The following CBFA2T3 variants were observed in gnomAD, a reference collection of about 807,000 sequenced individuals.
The protein encoded by CBFA2T3 is transcriptional corepressor CBFA2T3.
CBFA2T3 carries 31 observed loss-of-function variants against 58.6 expected under a neutral mutation model. That is an observed-to-expected ratio of 0.53 (90% CI 0.40 to 0.71). The LOEUF is 0.71. Ranked by LOEUF, CBFA2T3 falls within the 30% of genes least tolerant of loss-of-function variation. CBFA2T3 has a pLI of 0.00. For missense variants in CBFA2T3, 1,076 were observed against 963.1 expected (o/e 1.12, Z -1.55); for synonymous variants, 531 against 421.9 (o/e 1.26, Z -3.17).
chr16:88,887,625 G>C (rs1275728645), intron 5 of CBFA2T3, among the ~76,000 whole-genome samples: 1 of 152,156 alleles, frequency 6.6e-6, no homozygotes, highest in East Asian at 1.9e-4. Context: ...GGCAAGCAGG[G>C]AATGTTTCCT....
chr16:88,907,329 A>G (rs1471617299), intron 1 of CBFA2T3, among the ~76,000 whole-genome samples: 2 of 150,164 alleles, frequency 1.3e-5, no homozygotes, highest in African/African-American at 4.9e-5. Flanking sequence ...AAGTATCCTA[A>G]CCCCTCCCTG....
intron 5 of CBFA2T3, among the ~76,000 whole-genome samples, chr16:88,890,768 G>C (rs925412232): frequency 7.9e-5 from 12 of 152,172 alleles, no homozygotes; most frequent in African/African-American, 2.4e-4. Context: ...CCAGGCTGGA[G>C]TGCAGTGGCG....
intron 1 of CBFA2T3, among the ~76,000 whole-genome samples, chr16:88,935,172 A>G (rs1384506912): frequency 6.6e-6 from 1 of 152,074 alleles, no homozygotes; most frequent in Non-Finnish European, 1.5e-5. Flanking sequence ...CGGCCCAGAG[A>G]CCCAACGCTG....
intron 1 of CBFA2T3, among the ~76,000 whole-genome samples, chr16:88,919,277 T>G (rs1021142282): frequency 6.6e-6 from 1 of 152,074 alleles, no homozygotes; most frequent in Non-Finnish European, 1.5e-5. Flanking sequence ...GACACAGCAG[T>G]AGGTATAAAA....
intron 1 of CBFA2T3, among the ~76,000 whole-genome samples, chr16:88,906,801 G>A (rs552802503): frequency 2.9e-4 from 44 of 152,302 alleles, no homozygotes; most frequent in African/African-American, 1.0e-3. Flanking sequence ...AAGCACCAGG[G>A]CATGTGCCTG....
At chr16:88,879,602 T>C in intron 10 of CBFA2T3, 142 bp from the exon 11 acceptor site, 1 of 704,404 alleles carries the variant, frequency 1.4e-6, no homozygotes, top group Non-Finnish European at 2.4e-6. Context: ...AAGGCACATG[T>C]TGATGGGGCT....
intron 1 of CBFA2T3, among the ~76,000 whole-genome samples, chr16:88,943,655 C>T (rs535180392): frequency 2.6e-5 from 4 of 152,250 alleles, no homozygotes; most frequent in South Asian, 4.2e-4. Flanking sequence ...AGCTGGGCAC[C>T]GTCTCTGCAT....
chr16:88,942,102 C>T (rs545448), intron 1 of CBFA2T3, among the ~76,000 whole-genome samples: 130,303 of 152,214 alleles, frequency 0.86, 56,281 homozygotes, highest in African/African-American at 0.96. Flanking sequence ...ATTTGCATAT[C>T]GTGCGTTTCA....
At chr16:88,972,032 C>T (rs980851897) in intron 1 of CBFA2T3, among the ~76,000 whole-genome samples, 3 of 152,224 alleles carry the variant, frequency 2.0e-5, no homozygotes, top group South Asian at 4.1e-4. Flanking sequence ...GAAGCTGGCC[C>T]GGATTGCACC....
chr16:88,957,788 C>A (rs1344589013), intron 1 of CBFA2T3: 7 of 152,272 alleles, frequency 4.6e-5, no homozygotes, highest in Admixed American at 4.6e-4. Context: ...ACACACAACA[C>A]CGGAAAAGAC....
At position 88,887,412 on chromosome 16, in the gene CBFA2T3, G is replaced by A. The variant is rs112581877; in HGVS notation, c.712-1270C>T. Among the ~76,000 whole-genome samples the A allele has an allele frequency of 4.4e-3, 670 of 152,286 alleles. 2 individuals are homozygous for A. The highest frequency in any genetic ancestry group is 0.015 in the African/African-American group (630 of 41,560). On this transcript the variant is annotated intron_variant, in intron 5 of 11. Transcript: ENST00000268679. ...TCAGTTCGGGAACCGGCTGGTCGCT[G>A]TTAGGGCGGGGAGAACATCTGGATC...
At chr16:88,949,702 C>G (rs1971998774) in intron 1 of CBFA2T3, among the ~76,000 whole-genome samples, 1 of 151,966 alleles carries the variant, frequency 6.6e-6, no homozygotes, top group Admixed American at 6.6e-5. Flanking sequence ...CATGAGTAGG[C>G]AAATCCCACA....
At chr16:88,889,374 G>C (rs914550105) in intron 5 of CBFA2T3, among the ~76,000 whole-genome samples, 12 of 135,484 alleles carry the variant, frequency 8.9e-5, no homozygotes, top group African/African-American at 2.8e-4. Context: ...AGCGGAGGGA[G>C]GGAGGGCAGG....
At chr16:88,890,261 G>A (rs1025268617) in intron 5 of CBFA2T3, among the ~76,000 whole-genome samples, 1 of 152,218 alleles carries the variant, frequency 6.6e-6, no homozygotes, top group Non-Finnish European at 1.5e-5. Context: ...AACAGCCTGA[G>A]GATGATTCCA....
intron 1 of CBFA2T3, among the ~76,000 whole-genome samples, chr16:88,976,360 G>C (rs1268603404): frequency 6.6e-6 from 1 of 151,968 alleles, no homozygotes; most frequent in African/African-American, 2.4e-5. Flanking sequence ...ACCCCCAGGA[G>C]AACACAGCCC....
intron 5 of CBFA2T3, 174 bp from the exon 6 acceptor site, chr16:88,886,316 A>G: frequency 4.5e-6 from 1 of 222,116 alleles, no homozygotes. Flanking sequence ...GTGCCATGGG[A>G]GGGTGGCGTG....
At chr16:88,956,642 C>T (rs948470812) in intron 1 of CBFA2T3, among the ~76,000 whole-genome samples, 9 of 152,226 alleles carry the variant, frequency 5.9e-5, no homozygotes, top group Non-Finnish European at 1.0e-4. Context: ...GCTCTGTCTC[C>T]ATTACCCCAA....
intron 8 of CBFA2T3, 101 bp downstream of exon 8, chr16:88,882,575 G>GGCGTGGCTGTGTGT (rs1969159158): frequency 5.7e-5 from 23 of 406,868 alleles, no homozygotes; most frequent in South Asian, 2.4e-4. Flanking sequence ...CATGGCTGTG[G>GGCGTGGCTGTGTGT]GCGTGGCTGT....
intron 1 of CBFA2T3, among the ~76,000 whole-genome samples, chr16:88,946,347 T>A (rs948098006): frequency 8.6e-5 from 13 of 151,462 alleles, no homozygotes; most frequent in African/African-American, 3.2e-4. Context: ...TGCTAAGAAG[T>A]CAATCTGAAA....
Sources: allele counts gnomAD v4.1 joint callset (sites outside exome capture counted in the v4.1 genomes callset), GRCh38; gene constraint gnomAD v4.1.1; transcripts MANE v1.5; gene names NCBI Gene and HGNC (gene_info 2026-07-23, HGNC 2026-07-21).